The following LARP1B variants were observed in gnomAD, a reference collection of about 807,000 sequenced individuals.
LARP1B encodes the protein la-related protein 1B.
In LARP1B, 76 loss-of-function variants were observed where a neutral mutation model predicts 114.2. The observed-to-expected ratio is 0.67, with a 90% confidence interval of 0.55 to 0.81. LARP1B has a LOEUF of 0.81. Among genes scored for constraint, LARP1B ranks in the 30% least tolerant of loss-of-function variants. The pLI, the probability that LARP1B is intolerant of heterozygous loss-of-function variation, is 0.00. For missense variants in LARP1B, 1,014 were observed against 1,075.8 expected (o/e 0.94, Z 0.80); for synonymous variants, 345 against 348.0 (o/e 0.99, Z 0.10).
chr4:128,168,551 A>G (rs1742158224), intron 12 of LARP1B, among the ~76,000 whole-genome samples: 1 of 151,898 alleles, frequency 6.6e-6, no homozygotes, highest in African/African-American at 2.4e-5. Context: ...TTTTAGGTAT[A>G]TCTTTTGGGC....
chr4:128,078,252 A>T (rs933382855), intron 4 of LARP1B, among the ~76,000 whole-genome samples: 1 of 152,140 alleles, frequency 6.6e-6, no homozygotes, highest in Admixed American at 6.6e-5. Context: ...GTTCTTTTAG[A>T]TCTGCATTGG....
chr4:128,113,975 A>G (rs891932961), intron 9 of LARP1B, among the ~76,000 whole-genome samples: 1 of 151,982 alleles, frequency 6.6e-6, no homozygotes, highest in African/African-American at 2.4e-5. Context: ...TAGTAGAGAT[A>G]GGGTTTCTCC....
intron 9 of LARP1B, among the ~76,000 whole-genome samples, chr4:128,112,623 A>T (rs1784506515): frequency 6.6e-6 from 1 of 151,244 alleles, no homozygotes; most frequent in South Asian, 2.1e-4. Context: ...ACAGGCACCC[A>T]CCACCACGCC....
intron 11 of LARP1B, among the ~76,000 whole-genome samples, chr4:128,133,538 A>G (rs1175486059): frequency 6.6e-6 from 1 of 152,224 alleles, no homozygotes; most frequent in Non-Finnish European, 1.5e-5. Context: ...TGGGGCCTTG[A>G]ATAGTCAAAA....
At chr4:128,079,669 TC>T (rs1769482732) in intron 4 of LARP1B, among the ~76,000 whole-genome samples, 1 of 152,090 alleles carries the variant, frequency 6.6e-6, no homozygotes, top group Admixed American at 6.6e-5. Context: ...GCTCAAGTGA[TC>T]CTCCCACCTC....
chr4:128,119,590 T>C (rs970102766), intron 10 of LARP1B, among the ~76,000 whole-genome samples: 8 of 152,244 alleles, frequency 5.3e-5, no homozygotes, highest in African/African-American at 1.9e-4. Flanking sequence ...AATACCTATT[T>C]TGATTGCCAT....
intron 8 of LARP1B, 94 bp from the exon 9 acceptor site, chr4:128,107,042 TTTG>T: frequency 1.1e-6 from 1 of 925,994 alleles, no homozygotes; most frequent in East Asian, 2.4e-5. Context: ...TGCAAATTAG[TTTG>T]CTAATTTCAG....
At chr4:128,197,865 A>G (rs1297572671) in intron 15 of LARP1B, among the ~76,000 whole-genome samples, 4 of 151,088 alleles carry the variant, frequency 2.6e-5, no homozygotes, top group African/African-American at 7.3e-5. Flanking sequence ...CTTTGCTTTA[A>G]GAAAACGATT....
chr4:128,206,375 C>T, intron 17 of LARP1B, 53 bp from the exon 18 acceptor site: 1 of 1,005,516 alleles, frequency 9.9e-7, no homozygotes, highest in Non-Finnish European at 1.4e-6. Context: ...ATTGATGTTA[C>T]TAACTATAGA....
chr4:128,070,438 A>G (rs1764790536), intron 1 of LARP1B, among the ~76,000 whole-genome samples: 1 of 152,090 alleles, frequency 6.6e-6, no homozygotes, highest in Non-Finnish European at 1.5e-5. Flanking sequence ...AAGTAGGCAG[A>G]TCACCTGAGG....
chr4:128,114,785 G>A, intron 10 of LARP1B, 43 bp downstream of exon 10: 1 of 1,566,756 alleles, frequency 6.4e-7, no homozygotes. Context: ...TACCCTGGGT[G>A]GAGTATAAGG....
In LARP1B at chr4:128,210,624, C is replaced by G; in HGVS notation, c.*571C>G. 1 of 938,542 alleles carries G rather than the reference C, an allele frequency of 1.1e-6. No homozygotes were observed. The highest frequency in any genetic ancestry group is 1.3e-6 in the Non-Finnish European group (1 of 790,414). 58.1% of individuals were successfully genotyped at this position (938,542 alleles called of 1,614,324 possible). ...TTTGAGACATATAGTTTAAAGAAAA[C>G]TTTTTTTAAAACAAAAGTAGGAATA... On this transcript the variant is annotated 3_prime_UTR_variant, in exon 20 of 20. Coordinates refer to ENST00000326639, the MANE Select transcript of LARP1B (RefSeq NM_018078.4).
At chr4:128,061,011 A>AGGCCGCGAGCC (rs1579542690), upstream of LARP1B, among the ~76,000 whole-genome samples, 2 of 151,998 alleles carry the variant, frequency 1.3e-5, no homozygotes, top group African/African-American at 4.8e-5. Context: ...CCGCGGGGGC[A>AGGCCGCGAGCC]GGCCGCGAGC....
chr4:128,153,412 A>G (rs10002580), intron 11 of LARP1B, among the ~76,000 whole-genome samples: 64,615 of 151,348 alleles, frequency 0.43, 14,873 homozygotes, highest in African/African-American at 0.59. Context: ...CGCCTCCCGG[A>G]TTCAAGCGAT....
chr4:128,096,199 TAGCC>T (rs1777928498), intron 7 of LARP1B, among the ~76,000 whole-genome samples: 1 of 152,088 alleles, frequency 6.6e-6, no homozygotes. Flanking sequence ...TTCACCGTGT[TAGCC>T]AGGATGGTCT....
intron 11 of LARP1B, chr4:128,122,618 C>CTT (rs1203292701): frequency 5.5e-6 from 8 of 1,467,712 alleles, no homozygotes; most frequent in Non-Finnish European, 6.3e-6. Flanking sequence ...GAGCACTCTT[C>CTT]TTGCCTCTTT....
chr4:128,220,456 T>G, intron 7 of LARP1B: 1 of 429,666 alleles, frequency 2.3e-6, no homozygotes, highest in Non-Finnish European at 3.1e-6. Flanking sequence ...TATGTGTGTG[T>G]TTTTGAGACC....
chr4:128,150,776 C>A (rs1217875529), intron 11 of LARP1B, among the ~76,000 whole-genome samples: 1 of 151,986 alleles, frequency 6.6e-6, no homozygotes, highest in Non-Finnish European at 1.5e-5. Context: ...AATAAAAATC[C>A]CTTACTGCTG....
At chr4:128,127,270 G>A (rs1384542841) in intron 11 of LARP1B, among the ~76,000 whole-genome samples, 1 of 152,022 alleles carries the variant, frequency 6.6e-6, no homozygotes, top group Non-Finnish European at 1.5e-5. Flanking sequence ...AGCAAAACAA[G>A]TAATAAATAC....
Sources: gnomAD v4.1 joint callset for allele counts (sites outside exome capture counted in the v4.1 genomes callset) on GRCh38, gnomAD v4.1.1 for gene constraint, MANE v1.5 for transcripts, NCBI Gene and HGNC (gene_info 2026-07-23, HGNC 2026-07-21) for gene names.